The following CFAP20DC variants were observed in gnomAD, a reference collection of about 807,000 sequenced individuals.
The protein encoded by CFAP20DC is protein CFAP20DC.
In CFAP20DC, 84 loss-of-function variants were observed where a neutral mutation model predicts 101.7. That is an observed-to-expected ratio of 0.83 (90% CI 0.69 to 0.99). The LOEUF is 0.99. Among genes scored for constraint, CFAP20DC ranks in the 50% least tolerant of loss-of-function variants. The pLI is 0.00. For missense variants in CFAP20DC, 1,007 were observed against 970.3 expected (o/e 1.04, Z -0.50); for synonymous variants, 359 against 351.2 (o/e 1.02, Z -0.25).
intron 4 of CFAP20DC, among the ~76,000 whole-genome samples, chr3:59,003,292 A>T (rs1283362754): frequency 6.6e-6 from 1 of 152,208 alleles, no homozygotes; most frequent in Non-Finnish European, 1.5e-5. Context: ...TATTAAACAG[A>T]AACAACTTAT....
chr3:58,717,123 G>C (rs889931940), downstream of CFAP20DC, among the ~76,000 whole-genome samples: 2 of 151,984 alleles, frequency 1.3e-5, no homozygotes, highest in African/African-American at 4.8e-5. The surrounding 1 kb of genome is among the most constrained non-coding windows in gnomAD (Gnocchi z 4.1). Flanking sequence ...GATACAATCA[G>C]TGTAATGTCA....
chr3:58,734,346 T>C, intron 3 of CFAP20DC: 1 of 332,440 alleles, frequency 3.0e-6, no homozygotes, highest in South Asian at 2.4e-5. Context: ...TATGTGCCCA[T>C]ATATACTTTC....
chr3:58,791,377 G>A (rs982964529), intron 15 of CFAP20DC, among the ~76,000 whole-genome samples: 1 of 151,922 alleles, frequency 6.6e-6, no homozygotes. Context: ...CCTATTTTTA[G>A]ATAACTTAAT....
intron 15 of CFAP20DC, among the ~76,000 whole-genome samples, chr3:58,760,849 G>A (rs866010388): frequency 1.8e-4 from 27 of 152,110 alleles, no homozygotes; most frequent in South Asian, 1.2e-3. Flanking sequence ...ATTTATTTGC[G>A]TATGTTGAAC....
chr3:59,028,182 G>T (rs1408726141), intron 4 of CFAP20DC, among the ~76,000 whole-genome samples: 1 of 152,070 alleles, frequency 6.6e-6, no homozygotes, highest in African/African-American at 2.4e-5. Context: ...CTTATCCACA[G>T]GCATATGATC....
chr3:58,853,415 A>T (rs2078443477), intron 12 of CFAP20DC, among the ~76,000 whole-genome samples: 1 of 152,174 alleles, frequency 6.6e-6, no homozygotes, highest in African/African-American at 2.4e-5. Context: ...ACAAGGAAGA[A>T]CTGGTACCAT....
At chr3:58,938,799 A>T (rs1176835678) in intron 4 of CFAP20DC, among the ~76,000 whole-genome samples, 4 of 152,212 alleles carry the variant, frequency 2.6e-5, no homozygotes, top group Admixed American at 2.6e-4. Context: ...AAACAATGTT[A>T]AGAATAAATA....
intron 4 of CFAP20DC, among the ~76,000 whole-genome samples, chr3:58,951,476 T>C (rs1358954161): frequency 1.3e-5 from 2 of 152,210 alleles, no homozygotes; most frequent in African/African-American, 4.8e-5. Context: ...ATTGCAGCAC[T>C]ATTCACAATA....
At chr3:58,953,082 G>A (rs2090297509) in intron 4 of CFAP20DC, among the ~76,000 whole-genome samples, 1 of 152,150 alleles carries the variant, frequency 6.6e-6, no homozygotes, top group South Asian at 2.1e-4. Context: ...ATAGGGGTGG[G>A]AAGTATTATT....
chr3:58,725,680 T>C (rs913881377), intron 3 of CFAP20DC, among the ~76,000 whole-genome samples: 3 of 152,182 alleles, frequency 2.0e-5, no homozygotes, highest in Admixed American at 2.0e-4. Flanking sequence ...AGTCATTGTG[T>C]GTGGAGGTGG....
intron 6 of CFAP20DC, among the ~76,000 whole-genome samples, chr3:58,896,041 G>A (rs945041795): frequency 6.6e-6 from 1 of 152,158 alleles, no homozygotes; most frequent in Admixed American, 6.5e-5. Flanking sequence ...TGGGGACACA[G>A]CCAATCCGTA....
chr3:59,034,866 G>A (rs1013956764), intron 4 of CFAP20DC, among the ~76,000 whole-genome samples: 9 of 151,996 alleles, frequency 5.9e-5, no homozygotes, highest in South Asian at 4.1e-4. Context: ...TACAGAACTC[G>A]CCACCCCAAA....
At chr3:58,764,915 T>C (rs1480340227) in intron 15 of CFAP20DC, among the ~76,000 whole-genome samples, 1 of 152,182 alleles carries the variant, frequency 6.6e-6, no homozygotes, top group African/African-American at 2.4e-5. Context: ...GAAGAGGTGC[T>C]GTATTCAAGA....
chr3:59,041,294 T>C (rs1019476913), intron 3 of CFAP20DC, among the ~76,000 whole-genome samples: 2 of 152,098 alleles, frequency 1.3e-5, no homozygotes, highest in South Asian at 2.1e-4. Flanking sequence ...TTTTTAGATA[T>C]AAAAGAGTTC....
intron 4 of CFAP20DC, among the ~76,000 whole-genome samples, chr3:58,959,236 A>T (rs1380492695): frequency 6.6e-6 from 1 of 152,178 alleles, no homozygotes; most frequent in Non-Finnish European, 1.5e-5. Flanking sequence ...CTGGGATTAC[A>T]GGCATGTGCC....
At chr3:58,905,103 AC>A (rs1169487140) in intron 6 of CFAP20DC, among the ~76,000 whole-genome samples, 1 of 152,130 alleles carries the variant, frequency 6.6e-6, no homozygotes, top group Non-Finnish European at 1.5e-5. Flanking sequence ...ATTTCTGAAC[AC>A]AGAATACACA....
At chr3:58,949,377 C>G (rs376418198) in intron 4 of CFAP20DC, among the ~76,000 whole-genome samples, 4 of 151,908 alleles carry the variant, frequency 2.6e-5, no homozygotes, top group East Asian at 1.9e-4. Context: ...TGTGATGTTA[C>G]GGTGTCAATT....
intron 13 of CFAP20DC, among the ~76,000 whole-genome samples, chr3:58,837,062 A>G (rs144014248): frequency 5.9e-4 from 90 of 152,250 alleles, no homozygotes; most frequent in African/African-American, 1.9e-3. Flanking sequence ...GTTCATATCA[A>G]ATAATTAAAT....
At chr3:58,847,507 T>C (rs1348757529) in intron 13 of CFAP20DC, among the ~76,000 whole-genome samples, 1 of 150,698 alleles carries the variant, frequency 6.6e-6, no homozygotes, top group Non-Finnish European at 1.5e-5. Flanking sequence ...CATTAAAAAG[T>C]CAGGAAACAA....
Sources: gnomAD v4.1 joint callset for allele counts (sites outside exome capture counted in the v4.1 genomes callset) on GRCh38, gnomAD v4.1.1 for gene constraint, Gnocchi (gnomAD v3.1) non-coding constraint, MANE v1.5 for transcripts, NCBI Gene and HGNC (gene_info 2026-07-23, HGNC 2026-07-21) for gene names.